The following POPDC1 variants were observed in gnomAD, a reference collection of about 807,000 sequenced individuals.
POPDC1 encodes the protein popeye domain-containing protein 1.
At chr6:105,127,266 G>T in the POPDC1 span, among the ~76,000 whole-genome samples, 27 of 152,208 alleles carry the variant, frequency 1.8e-4, no homozygotes, top group Non-Finnish European at 3.4e-4. Context: ...GACACTAAGC[G>T]ATTTACCTAT....
chr6:105,102,165 G>T, the POPDC1 span, among the ~76,000 whole-genome samples: 2 of 152,200 alleles, frequency 1.3e-5, no homozygotes, highest in African/African-American at 4.8e-5. Flanking sequence ...GCCCACAAAT[G>T]CTGAACTCAG....
chr6:105,118,387 A>G, the POPDC1 span, among the ~76,000 whole-genome samples: 2 of 152,216 alleles, frequency 1.3e-5, no homozygotes, highest in Admixed American at 1.3e-4. Context: ...TATTATATCA[A>G]AAGTAGGAAT....
chr6:105,116,833 T>C, the POPDC1 span: 2 of 1,612,224 alleles, frequency 1.2e-6, no homozygotes, highest in Non-Finnish European at 1.7e-6. Flanking sequence ...TTGACCAGCA[T>C]AAAAATCTGC....
the POPDC1 span, among the ~76,000 whole-genome samples, chr6:105,108,656 T>C: frequency 6.6e-6 from 1 of 152,316 alleles, no homozygotes; most frequent in African/African-American, 2.4e-5. Context: ...GATTTTCATG[T>C]TGTATATGAA....
the POPDC1 span, among the ~76,000 whole-genome samples, chr6:105,122,665 T>C: frequency 6.6e-6 from 1 of 151,980 alleles, no homozygotes; most frequent in African/African-American, 2.4e-5. Flanking sequence ...AAAAGATAAA[T>C]GTTGGGCTTT....
the POPDC1 span, among the ~76,000 whole-genome samples, chr6:105,131,695 C>T: frequency 6.6e-6 from 1 of 152,202 alleles, no homozygotes; most frequent in Non-Finnish European, 1.5e-5. Flanking sequence ...GGACTACAGG[C>T]GTTAGCCACT....
chr6:105,100,473 A>G, the POPDC1 span: 2,756 of 151,548 alleles, frequency 0.018, 44 homozygotes, highest in Non-Finnish European at 0.026. Flanking sequence ...ATGTGCCACT[A>G]CACTCCAGCC....
the POPDC1 span, among the ~76,000 whole-genome samples, chr6:105,117,399 T>C: frequency 6.6e-6 from 1 of 152,164 alleles, no homozygotes; most frequent in Non-Finnish European, 1.5e-5. Flanking sequence ...CCTTCTGTCA[T>C]AGGTGTTTCT....
At chr6:105,116,014 AC>A in the POPDC1 span, among the ~76,000 whole-genome samples, 2 of 152,150 alleles carry the variant, frequency 1.3e-5, no homozygotes, top group African/African-American at 4.8e-5. Flanking sequence ...AATATATTAT[AC>A]AAAATCAAAT....
At chr6:105,131,068 T>A in the POPDC1 span, among the ~76,000 whole-genome samples, 2 of 152,212 alleles carry the variant, frequency 1.3e-5, no homozygotes, top group East Asian at 3.8e-4. Context: ...ATCAATTTTA[T>A]GATAGGAGAG....
At chr6:105,125,703 T>C in the POPDC1 span, 1 of 885,954 alleles carries the variant, frequency 1.1e-6, no homozygotes, top group African/African-American at 1.7e-5. Flanking sequence ...CCCTTCTGTA[T>C]TTAGGCCAAT....
the POPDC1 span, chr6:105,097,812 G>A: frequency 1.3e-5 from 2 of 152,082 alleles, no homozygotes; most frequent in African/African-American, 2.4e-5. Flanking sequence ...TGAGTGATAG[G>A]GAGAAATGGA....
the POPDC1 span, chr6:105,099,928 A>G: frequency 6.6e-6 from 1 of 152,248 alleles, no homozygotes; most frequent in Non-Finnish European, 1.5e-5. Flanking sequence ...TTCCCACACC[A>G]GAGTGTGCAC....
chr6:105,114,479 C>T, the POPDC1 span, among the ~76,000 whole-genome samples: 14 of 39,608 alleles, frequency 3.5e-4, no homozygotes, highest in African/African-American at 6.0e-4. Flanking sequence ...TATCTAAAGG[C>T]ATACAAAGTT....
the POPDC1 span, among the ~76,000 whole-genome samples, chr6:105,102,856 A>G: frequency 6.6e-6 from 1 of 152,370 alleles, no homozygotes; most frequent in Middle Eastern, 3.4e-3. Flanking sequence ...ACTGTGGTAC[A>G]GCTAATGTAT....
At chr6:105,107,814 T>C in the POPDC1 span, among the ~76,000 whole-genome samples, 1 of 152,224 alleles carries the variant, frequency 6.6e-6, no homozygotes, top group African/African-American at 2.4e-5. Context: ...TGGCTTTTTT[T>C]TTCCTGGAAA....
chr6:105,106,364 G>A, the POPDC1 span, among the ~76,000 whole-genome samples: 4 of 152,334 alleles, frequency 2.6e-5, no homozygotes, highest in African/African-American at 9.6e-5. Context: ...TGCCACACTC[G>A]CAGTATGTTC....
chr6:105,112,957 G>A, the POPDC1 span, among the ~76,000 whole-genome samples: 6 of 151,112 alleles, frequency 4.0e-5, no homozygotes, highest in African/African-American at 9.7e-5. Flanking sequence ...TTTGATACAG[G>A]TCTCACTCTA....
the POPDC1 span, among the ~76,000 whole-genome samples, chr6:105,121,170 G>A: frequency 6.6e-6 from 1 of 152,040 alleles, no homozygotes; most frequent in African/African-American, 2.4e-5. Flanking sequence ...GCAGCAGCAT[G>A]AGATAGAATA....
Sources: gnomAD v4.1 joint callset for allele counts (sites outside exome capture counted in the v4.1 genomes callset) on GRCh38, gnomAD v4.1.1 for gene constraint, MANE v1.5 for transcripts, NCBI Gene and HGNC (gene_info 2026-07-23, HGNC 2026-07-21) for gene names.